The following OCRL variants were observed in gnomAD, a reference collection of about 807,000 sequenced individuals.
OCRL encodes inositol polyphosphate 5-phosphatase OCRL.
A neutral mutation model predicts 78.9 loss-of-function variants in OCRL; 8 were observed. The ratio of observed to expected loss-of-function variants is 0.10; its 90% CI spans 0.06 to 0.18. The LOEUF (loss-of-function observed/expected upper bound fraction) is 0.18. Among genes scored for constraint, OCRL ranks in the 10% least tolerant of loss-of-function variants. The pLI, the probability that OCRL is intolerant of heterozygous loss-of-function variation, is 1.00. For synonymous variants in OCRL, 240 were observed against 235.4 expected (o/e 1.02, Z -0.18); for missense variants, 454 against 696.7 (o/e 0.65, Z 3.92).
At chrX:129,570,742 A>G (rs771511456) in intron 15 of OCRL, among the ~76,000 whole-genome samples, 1 of 112,643 alleles carries the variant, frequency 8.9e-6, no homozygotes, top group Non-Finnish European at 1.9e-5. Flanking sequence ...TTTACTCCTC[A>G]CAACAACGCT....
At chrX:129,544,439 T>C (rs753037332) in intron 2 of OCRL, among the ~76,000 whole-genome samples, 33 of 111,618 alleles carry the variant, frequency 3.0e-4, no homozygotes, top group African/African-American at 9.8e-4. Flanking sequence ...CCCCTCTTAC[T>C]CCTCCATGAA....
chrX:129,551,199 G>A (rs1052544406), intron 4 of OCRL, among the ~76,000 whole-genome samples: 2 of 111,153 alleles, frequency 1.8e-5, no homozygotes, highest in African/African-American at 6.5e-5. Flanking sequence ...AGTACAGAAC[G>A]ACAAAGATAA....
chrX:129,561,028 G>T (rs1936137739), intron 9 of OCRL, 151 bp from the exon 10 acceptor site: 2 of 476,771 alleles, frequency 4.2e-6, no homozygotes, highest in Non-Finnish European at 7.5e-6. Context: ...AAAGCTACTT[G>T]TTCTTACTGA....
At position 129,590,313 on chromosome X, in the gene OCRL, G is replaced by C. The variant is rs748811584; in HGVS notation, c.*43G>C. 5 of 1,198,996 alleles carry C rather than the reference G, an allele frequency of 4.2e-6. No homozygotes were observed. In the African/African-American group the frequency reaches 7.1e-5, roughly 17 times the overall value. On this transcript the variant is annotated 3_prime_UTR_variant, in exon 24 of 24. Transcript: ENST00000371113. ...GATATTCTAGAAGCAGACGATCTCGGGCTCCAAGTATTTCAGAATGATTTA... is the reference window on the plus strand; with the variant it reads ...GATATTCTAGAAGCAGACGATCTCGCGCTCCAAGTATTTCAGAATGATTTA...
intron 22 of OCRL, 147 bp downstream of exon 22, chrX:129,589,160 C>T: frequency 1.6e-6 from 1 of 627,177 alleles, no homozygotes; most frequent in South Asian, 2.4e-5. Flanking sequence ...TTGAGAGTTG[C>T]TACCCTTAAA....
rs1407240351 is a variant in OCRL, at chrX:129,540,539, C to T, written c.39+61C>T. On this transcript the variant is annotated intron_variant, in intron 1 of 23. Coordinates refer to ENST00000371113, the MANE Select transcript of OCRL (RefSeq NM_000276.4). Reference sequence around the variant, plus strand: ...CAGGGCCGGGGGTGGGGGTCGGGGGCCCTGCGGAACACGGTGGGGCGGGGC... The same window carrying T: ...CAGGGCCGGGGGTGGGGGTCGGGGGTCCTGCGGAACACGGTGGGGCGGGGC... 11 of 1,088,740 alleles carry T rather than the reference C, an allele frequency of 1.0e-5. No homozygotes were observed. The African/African-American group carries it at 1.9e-4, about 19-fold the overall frequency. 89.7% of individuals were successfully genotyped at this position (1,088,740 alleles called of 1,213,427 possible). A position where few individuals can be genotyped will look rare whatever the true frequency, so the allele number is the denominator to read the frequency against.
chrX:129,564,221 A>G (rs1280506237), intron 12 of OCRL, among the ~76,000 whole-genome samples: 1 of 110,873 alleles, frequency 9.0e-6, no homozygotes, highest in Non-Finnish European at 1.9e-5. Context: ...TCAGGAGACA[A>G]CAGGTGCTGG....
intron 18 of OCRL, among the ~76,000 whole-genome samples, chrX:129,577,101 C>T (rs1419679386): frequency 9.0e-6 from 1 of 111,402 alleles, no homozygotes; most frequent in Admixed American, 9.6e-5. Context: ...TATCCTGGAA[C>T]CCTGGAGTAC....
rs6529390 is a variant in OCRL, at chrX:129,548,298, A to G, written c.200-265A>G. Reference sequence around the variant, plus strand: ...TTATGTTCTGTACTATTAATTTCTCATTCGTTGATTTGCTTTGAGGAGTTC... The same window carrying G: ...TTATGTTCTGTACTATTAATTTCTCGTTCGTTGATTTGCTTTGAGGAGTTC... On this transcript the variant is annotated intron_variant, in intron 3 of 23. Transcript: ENST00000371113. Among the ~76,000 whole-genome samples, 25,613 of 111,584 alleles carry G rather than the reference A, an allele frequency of 0.23. 5,127 individuals carry two copies. The highest frequency in any genetic ancestry group is 0.76 in the East Asian group (2,659 of 3,518).
chrX:129,568,512 T>C (rs947738055), intron 14 of OCRL, among the ~76,000 whole-genome samples: 3 of 111,959 alleles, frequency 2.7e-5, no homozygotes, highest in African/African-American at 9.7e-5. Flanking sequence ...TTAGATCTTG[T>C]ACACTTTGCC....
At chrX:129,563,620 G>A (rs892006830) in intron 12 of OCRL, among the ~76,000 whole-genome samples, 2 of 111,262 alleles carry the variant, frequency 1.8e-5, no homozygotes, top group Non-Finnish European at 3.8e-5. Flanking sequence ...TCTTTTTAAT[G>A]GCTGTGCTTA....
chrX:129,579,239 A>G (rs936809979), intron 18 of OCRL, among the ~76,000 whole-genome samples: 4 of 111,778 alleles, frequency 3.6e-5, no homozygotes, highest in African/African-American at 1.3e-4. Context: ...CAAGAAATCT[A>G]AAAACAATTA....
chrX:129,565,718 CTGTT>C (rs1372554662), intron 12 of OCRL, 50 bp from the exon 13 acceptor site: 1 of 931,157 alleles, frequency 1.1e-6, no homozygotes, highest in East Asian at 3.1e-5. Flanking sequence ...CCATCCTTCT[CTGTT>C]TTTTTTATGC....
intron 15 of OCRL, among the ~76,000 whole-genome samples, chrX:129,574,677 G>A (rs1359588925): frequency 8.0e-5 from 9 of 112,360 alleles, no homozygotes; most frequent in Non-Finnish European, 1.9e-5. Flanking sequence ...ATTTTGTACA[G>A]TGCAAGCAAT....
At chrX:129,568,060 C>T (rs1335730306) in intron 14 of OCRL, among the ~76,000 whole-genome samples, 2 of 110,512 alleles carry the variant, frequency 1.8e-5, no homozygotes, top group African/African-American at 6.6e-5. Flanking sequence ...ACTACAGGCG[C>T]CCGCCACCAC....
intron 18 of OCRL, among the ~76,000 whole-genome samples, chrX:129,579,870 A>G (rs1466841992): frequency 8.9e-6 from 1 of 112,343 alleles, no homozygotes; most frequent in African/African-American, 3.2e-5. Flanking sequence ...GTCATGGTTA[A>G]TAGGGAGTTT....
Position 129,576,238 on chromosome X carries a change from T to C in OCRL, c.1880-79T>C, listed in dbSNP as rs1186670414. On this transcript the variant is annotated intron_variant, in intron 17 of 23. Transcript: ENST00000371113. ...CTTAATGATTTTTTTAGAGGACACT[T>C]TTCTGTTGGTTCTTATACTCTTTTT... The C allele has an allele frequency of 5.0e-6, 5 of 999,817 alleles. No individual in the cohort carries two copies. In the African/African-American group the frequency reaches 7.6e-5, roughly 15 times the overall value. The allele number at this position is 999,817 out of a possible 1,213,427, so 82.4% of individuals were successfully genotyped here. A position where few individuals can be genotyped will look rare whatever the true frequency, so the allele number is the denominator to read the frequency against.
chrX:129,550,241 A>G (rs978878377), intron 4 of OCRL, among the ~76,000 whole-genome samples: 2 of 112,483 alleles, frequency 1.8e-5, no homozygotes, highest in African/African-American at 6.4e-5. Flanking sequence ...TCTAGAGATC[A>G]CCACTGTGGT....
Position 129,587,178 on chromosome X carries a change from A to G in OCRL, c.2256+60A>G, listed in dbSNP as rs1936522868. ...AGGTGTGTAACTACTATAGGAAATC[A>G]CAACACCTCACGTCAGCATAGCGCT... On this transcript the variant is annotated intron_variant, in intron 20 of 23. Coordinates refer to ENST00000371113, the MANE Select transcript of OCRL (RefSeq NM_000276.4). 5.7e-6 allele frequency: 4 copies of G among 701,280 alleles called. No individual in the cohort carries two copies. In the Admixed American group the frequency reaches 6.7e-5, roughly 12 times the overall value. The allele number at this position is 701,280 out of a possible 1,213,427, so 57.8% of individuals were successfully genotyped here.
Sources: allele counts gnomAD v4.1 joint callset (sites outside exome capture counted in the v4.1 genomes callset), GRCh38; gene constraint gnomAD v4.1.1; transcripts MANE v1.5; gene names NCBI Gene and HGNC (gene_info 2026-07-23, HGNC 2026-07-21).